The following AP2A2 variants were observed in gnomAD, a reference collection of about 807,000 sequenced individuals.
The protein encoded by AP2A2 is AP-2 complex subunit alpha-2.
A neutral mutation model predicts 104.2 loss-of-function variants in AP2A2; 32 were observed. The observed-to-expected ratio is 0.31, with a 90% CI of 0.23 to 0.41. The LOEUF is 0.41. Ranked by LOEUF, AP2A2 falls within the 10% of genes least tolerant of loss-of-function variation. The probability of loss-of-function intolerance (pLI) is 1.00; values close to 1 mark genes in which losing one functional copy is unlikely to be tolerated. For missense variants in AP2A2, 912 were observed against 1,261.0 expected, an observed-to-expected ratio of 0.72 and a Z score of 4.19; for synonymous variants, 539 against 533.3, an observed-to-expected ratio of 1.01 and a Z score of -0.15.
rs544914930 is a variant in AP2A2 at position 962,701 on chromosome 11, C to G, written c.136+3196C>G. The stretch of plus-strand genomic sequence containing the variant: ...TGAGCCGAGATCTCGCCATTGCACT[C>G]CAGCCTGGGAGACACAGCAAGACTC... On this transcript the variant is annotated intron_variant, in intron 2 of 21. Coordinates refer to ENST00000448903, the MANE Select transcript of AP2A2 (RefSeq NM_012305.4). Among the ~76,000 whole-genome samples, 4 of 152,066 alleles carry G rather than the reference C, an allele frequency of 2.6e-5. No homozygotes were observed. In the East Asian group the frequency reaches 5.8e-4, roughly 22 times the overall value.
In AP2A2 at chr11:1,007,862, C is replaced by T; in HGVS notation, c.2297-150C>T. 6 of 1,066,072 alleles carry T rather than the reference C, an allele frequency of 5.6e-6. No homozygotes were observed. In the South Asian group the frequency reaches 8.9e-5, roughly 16 times the overall value. 66.0% of individuals were successfully genotyped at this position (1,066,072 alleles called of 1,614,324 possible). A position where few individuals can be genotyped will look rare whatever the true frequency, so the allele number is the denominator to read the frequency against. ...GGATTGTCTGGGTGGAAGGGCAGGG[C>T]CGGGTGGTGTGGCTGCCCTCGACCC... is the stretch of plus-strand genomic sequence containing the variant. On this transcript the variant is annotated intron_variant, in intron 17 of 21. Transcript: ENST00000448903.
At chr11:1,009,647 G>A (rs757962243) in intron 20 of AP2A2, 36 bp from the exon 21 acceptor site, 116 of 1,537,526 alleles carry the variant, frequency 7.5e-5, no homozygotes, top group Non-Finnish European at 9.4e-5. Context: ...CCGCGACCCC[G>A]CGCCAGGGTC....
intron 1 of AP2A2, among the ~76,000 whole-genome samples, chr11:927,099 C>A (rs561642121): frequency 1.8e-3 from 273 of 152,248 alleles, no homozygotes; most frequent in African/African-American, 6.2e-3. Context: ...CAGGGTCTTG[C>A]TCTGGCTCTC....
At chr11:1,010,344 A>G (rs1033330914) in intron 21 of AP2A2, 2 of 592,904 alleles carry the variant, frequency 3.4e-6, no homozygotes, top group Admixed American at 3.0e-5. Context: ...CCCGCCAGCT[A>G]CGTACGAGAC....
intron 1 of AP2A2, among the ~76,000 whole-genome samples, chr11:928,383 C>G (rs144927038): frequency 9.2e-5 from 14 of 152,180 alleles, no homozygotes; most frequent in Admixed American, 9.2e-4. Flanking sequence ...AAAAAAGCAG[C>G]TTGTATAGGA....
chr11:926,455 C>T (rs1345053124), intron 1 of AP2A2, among the ~76,000 whole-genome samples: 1 of 151,922 alleles, frequency 6.6e-6, no homozygotes, highest in Admixed American at 6.6e-5. Context: ...TCCACATCTC[C>T]ACTCCCGTTT....
intron 4 of AP2A2, among the ~76,000 whole-genome samples, chr11:972,621 C>A (rs544255312): frequency 1.2e-4 from 19 of 152,346 alleles, no homozygotes; most frequent in African/African-American, 4.3e-4. Flanking sequence ...TGCTTGAGCC[C>A]AGGAAGTCAA....
At chr11:930,090 C>T (rs1019140464) in intron 1 of AP2A2, among the ~76,000 whole-genome samples, 2 of 142,522 alleles carry the variant, frequency 1.4e-5, no homozygotes, top group African/African-American at 5.3e-5. Context: ...CATTGCACTC[C>T]AGCCTGGGTG....
intron 1 of AP2A2, among the ~76,000 whole-genome samples, chr11:953,816 ACTCTT>A (rs1374402790): frequency 7.1e-6 from 1 of 140,622 alleles, no homozygotes; most frequent in African/African-American, 2.6e-5. Context: ...ACGTGACACT[ACTCTT>A]CTCTCTACCT....
In AP2A2 at chr11:972,144, C is replaced by A. The variant is rs1399501670; in HGVS notation, c.362C>A (p.Ala121Asp). The change falls in exon 4 of 22, where the codon GCC becomes GAC. Residue 121 changes from alanine (A) to aspartate (D), a missense_variant. Ala to Asp is a moderately radical substitution (Grantham distance 126, BLOSUM62 -2). Around this residue, in one of 7 missense-constraint regions of AP2A2, gnomAD observed 350 missense variants for 487.0 expected, o/e 0.72. Coordinates refer to ENST00000448903, the MANE Select transcript of AP2A2 (RefSeq NM_012305.4). ...LINNAIKNDL[A>D]SRNPTFMGLA... ...AACAACGCCATCAAGAATGACCTGG[C>A]CAGCCGCAACCCCACCTTCATGGGC... is the stretch of plus-strand genomic sequence containing the variant. 2 of 1,613,464 alleles carry A rather than the reference C, an allele frequency of 1.2e-6. No homozygotes were observed. The highest frequency in any genetic ancestry group is 8.5e-7 in the Non-Finnish European group (1 of 1,179,728).
chr11:967,348 CGTTTTATTTTTTT>C (rs1854652653), intron 2 of AP2A2, among the ~76,000 whole-genome samples: 1 of 151,910 alleles, frequency 6.6e-6, no homozygotes, highest in South Asian at 2.1e-4. Context: ...TGTGCTGTTT[CGTTTTATTTTTTT>C]ATTTTATTTT....
At chr11:977,353 T>A in intron 5 of AP2A2, 129 bp downstream of exon 5, 1 of 1,275,752 alleles carries the variant, frequency 7.8e-7, no homozygotes, top group Non-Finnish European at 1.1e-6. Context: ...TGTGGCTGCG[T>A]GCTGAGGCCA....
rs1041199051 is a variant in AP2A2 at position 999,928 on chromosome 11, C to T, written c.1957-504C>T. 1.8e-4 allele frequency among the ~76,000 whole-genome samples: 27 copies of T among 151,622 alleles called. No individual in the cohort carries two copies. The East Asian group carries it at 4.1e-3, about 23-fold the overall frequency. On this transcript the variant is annotated intron_variant, in intron 14 of 21. Transcript: ENST00000448903. Reference sequence around the variant, plus strand: ...ACACCATTCTCCTGCCTCAGCCTCCCGAGTAGCTGGGACTACAGGCGCCCA... The same window carrying T: ...ACACCATTCTCCTGCCTCAGCCTCCTGAGTAGCTGGGACTACAGGCGCCCA...
intron 4 of AP2A2, among the ~76,000 whole-genome samples, chr11:973,573 G>A (rs1318255472): frequency 3.3e-5 from 5 of 152,142 alleles, no homozygotes; most frequent in Non-Finnish European, 4.4e-5. Context: ...GTGCCTGAAG[G>A]CACTGTTGCT....
chr11:938,710 G>A (rs1287478994), intron 1 of AP2A2, among the ~76,000 whole-genome samples: 3 of 151,924 alleles, frequency 2.0e-5, no homozygotes, highest in South Asian at 2.1e-4. Context: ...TCCTGACCTC[G>A]TCATCTGCCC....
chr11:975,376 TAC>T (rs1854987780), intron 4 of AP2A2, among the ~76,000 whole-genome samples: 2 of 145,834 alleles, frequency 1.4e-5, no homozygotes, highest in African/African-American at 2.6e-5. Context: ...GTCTCCCTCT[TAC>T]GAGCCGACAT....
chr11:972,052 T>G lies in AP2A2; in HGVS notation c.280-10T>G. On this transcript the variant is annotated splice_polypyrimidine_tract_variant and intron_variant, in intron 3 of 21. Coordinates refer to ENST00000448903, the MANE Select transcript of AP2A2 (RefSeq NM_012305.4). ...ATGAGCTTTCTCTTCTCCTGTCTTTTGGAACGCAGGGCTACCTTTTCATCT... is the reference window on the plus strand; with the variant it reads ...ATGAGCTTTCTCTTCTCCTGTCTTTGGGAACGCAGGGCTACCTTTTCATCT... 6.2e-7 allele frequency: 1 copy of G among 1,608,778 alleles called. No individual in the cohort carries two copies. Among genetic ancestry groups the G allele is most frequent in the Non-Finnish European group, 8.5e-7 (1 of 1,177,262 alleles).
intron 14 of AP2A2, among the ~76,000 whole-genome samples, chr11:995,620 C>T (rs1389094397): frequency 6.6e-6 from 1 of 151,280 alleles, no homozygotes; most frequent in Non-Finnish European, 1.5e-5. Flanking sequence ...TTGGCGGGGA[C>T]CTGCTTATGT....
At chr11:935,209 C>T (rs541751306) in intron 1 of AP2A2, among the ~76,000 whole-genome samples, 3 of 152,232 alleles carry the variant, frequency 2.0e-5, no homozygotes, top group South Asian at 4.1e-4. Context: ...GCGCGCACCA[C>T]CATGCCCGGC....
Sources: gnomAD v4.1 joint callset for allele counts (sites outside exome capture counted in the v4.1 genomes callset) on GRCh38, gnomAD v4.1.1 for gene constraint, gnomAD v4.1.1 regional missense constraint, MANE v1.5 for transcripts, NCBI Gene and HGNC (gene_info 2026-07-23, HGNC 2026-07-21) for gene names.